Variants in CEP78 observed in about 807,000 individuals in gnomAD.
CEP78 encodes the protein centrosomal protein of 78 kDa.
In CEP78, 76 loss-of-function variants were observed where a neutral mutation model predicts 81.2. The observed-to-expected ratio is 0.94, with a 90% CI of 0.78 to 1.13. The LOEUF is 1.13. Ranked by LOEUF, CEP78 falls within the 50% of genes most tolerant of loss-of-function variation. CEP78 has a pLI of 0.00. For missense variants in CEP78, 918 were observed against 846.8 expected (o/e 1.08, Z -1.04); for synonymous variants, 293 against 301.4 (o/e 0.97, Z 0.29).
Position 78,272,110 on chromosome 9 carries a change from G to T in CEP78, c.*1259G>T, listed in dbSNP as rs1383114159. On this transcript the variant is annotated 3_prime_UTR_variant, in exon 17 of 17. Transcript: ENST00000643273. ...TTTTTGTATTTTTAGTAAAGACGGG[G>T]TTTCACCATGTTGGCCAGGCTGGTC... is the stretch of plus-strand genomic sequence containing the variant. 1 of 152,042 alleles carries T rather than the reference G, an allele frequency of 6.6e-6. No homozygotes were observed. Among genetic ancestry groups the T allele is most frequent in the Admixed American group, 6.6e-5 (1 of 15,258 alleles). The allele number at this position is 152,042 out of a possible 1,614,324, so 9.4% of individuals were successfully genotyped here. A position where few individuals can be genotyped will look rare whatever the true frequency, so the allele number is the denominator to read the frequency against.
At chr9:78,245,826 GATTC>G (rs1256638978) in intron 5 of CEP78, among the ~76,000 whole-genome samples, 1 of 151,896 alleles carries the variant, frequency 6.6e-6, no homozygotes, top group Non-Finnish European at 1.5e-5. Flanking sequence ...ACATTCTTTG[GATTC>G]ATTATTTCTA....
rs1827777396 is a variant in CEP78, at chr9:78,275,252, A to G, written c.*4401A>G. On this transcript the variant is annotated 3_prime_UTR_variant, in exon 17 of 17. Transcript: ENST00000643273. ...TGGATTGTAAAAATTGATAAAAAAT[A>G]GAAAATGTAAATAAACGAAACATCT... 6.6e-6 allele frequency: 1 copy of G among 152,256 alleles called. No individual in the cohort carries two copies. The allele number at this position is 152,256 out of a possible 1,614,324, so 9.4% of individuals were successfully genotyped here.
chr9:78,264,107 A>C (rs779267941), intron 12 of CEP78, 43 bp from the exon 13 acceptor site: 7 of 1,324,914 alleles, frequency 5.3e-6, no homozygotes, highest in Non-Finnish European at 5.0e-6. Context: ...TTTGGTGATA[A>C]TGAGAGAAAA....
At chr9:78,270,719 A>T in intron 16 of CEP78, 122 bp from the exon 17 acceptor site, 1 of 562,750 alleles carries the variant, frequency 1.8e-6, no homozygotes, top group East Asian at 3.2e-5. Context: ...TCAAGACAGT[A>T]ACACTTGATT....
At chr9:78,245,169 C>T (rs1374058800) in intron 5 of CEP78, among the ~76,000 whole-genome samples, 4 of 151,582 alleles carry the variant, frequency 2.6e-5, no homozygotes, top group Non-Finnish European at 5.9e-5. Flanking sequence ...GTTAGGGCTT[C>T]ATAGAATATT....
rs188090518 is a variant in CEP78 at position 78,261,483 on chromosome 9, G to T, written c.1381-1424G>T. 3.6e-4 allele frequency among the ~76,000 whole-genome samples: 55 copies of T among 152,254 alleles called. 1 individual carries two copies. The highest frequency in any genetic ancestry group is 2.7e-3 in the Admixed American group (41 of 15,300). ...GTTTTTAAGTAGTGGAATGTTAAGT[G>T]ATTTTACTTTCTAATTGTTTCATTT... is the stretch of plus-strand genomic sequence containing the variant. On this transcript the variant is annotated intron_variant, in intron 11 of 16. Coordinates refer to ENST00000643273, the MANE Select transcript of CEP78 (RefSeq NM_001330691.3).
rs763061622 is a variant in CEP78, at chr9:78,266,547, G to A, written c.1951G>A (p.Val651Ile). 8 of 1,613,788 alleles carry A rather than the reference G, an allele frequency of 5.0e-6. No individual in the cohort carries two copies. The African/African-American group carries it at 1.1e-4, about 22-fold the overall frequency. ...AGGAACTTCCAGCAACAACCTAGGA[G>A]TCCCAGCTACTGAGCAGCGGCAGGA... ...GLGTSSNNLG[V>I]PATEQRQESF... The change falls in exon 16 of 17, where the codon GTC becomes ATC. Residue 651 changes from valine to isoleucine, a missense_variant. Transcript: ENST00000643273.
In CEP78 at chr9:78,264,253, T is replaced by C; in HGVS notation, c.1562T>C (p.Leu521Ser). The C allele has an allele frequency of 6.2e-7, 1 of 1,612,394 alleles. No homozygotes were observed. Among genetic ancestry groups the C allele is most frequent in the Non-Finnish European group, 8.5e-7 (1 of 1,179,108 alleles). ...TNMILDDEGV[L>S]GSIENSFQKF... ...ATGATCCTGGATGATGAAGGTGTTT[T>C]GGGCAGCATTGAGAATTCTTTTCAG... The change falls in exon 13 of 17, where the codon TTG (leucine) becomes TCG (serine). Residue 521 changes from leucine to serine, a missense_variant. Physicochemically the swap from Leu to Ser is moderately radical, Grantham distance 145 (BLOSUM62 -2). Coordinates refer to ENST00000643273, the MANE Select transcript of CEP78 (RefSeq NM_001330691.3).
At chr9:78,261,992 TAC>T (rs763840823) in intron 11 of CEP78, among the ~76,000 whole-genome samples, 45 of 152,258 alleles carry the variant, frequency 3.0e-4, no homozygotes, top group Middle Eastern at 6.8e-3. Context: ...CTCTGCATGG[TAC>T]ACACACCTGG....
chr9:78,260,846 C>A (rs1359511136), intron 11 of CEP78, among the ~76,000 whole-genome samples: 1 of 152,118 alleles, frequency 6.6e-6, no homozygotes, highest in Non-Finnish European at 1.5e-5. Flanking sequence ...CAGCATATAC[C>A]CAAATCCATG....
chr9:78,270,941 A>T lies in CEP78; in HGVS notation c.*90A>T, dbSNP rs965336325. The T allele has an allele frequency of 5.3e-5, 33 of 626,320 alleles. No homozygotes were observed. The African/African-American group carries it at 5.8e-4, about 11-fold the overall frequency. 38.8% of individuals were successfully genotyped at this position (626,320 alleles called of 1,614,324 possible). On this transcript the variant is annotated 3_prime_UTR_variant, in exon 17 of 17. Coordinates refer to ENST00000643273, the MANE Select transcript of CEP78 (RefSeq NM_001330691.3). ...GAAATTTCTGGAAGATAAGAAGCAG[A>T]TGATTTAAGTACCAGTTAATTAAAG... is the stretch of plus-strand genomic sequence containing the variant.
chr9:78,264,938 TG>T (rs1252208753), intron 13 of CEP78, among the ~76,000 whole-genome samples: 1 of 152,158 alleles, frequency 6.6e-6, no homozygotes, highest in African/African-American at 2.4e-5. Context: ...GATAGATAAT[TG>T]ATAGAGTTAT....
In CEP78 at chr9:78,257,259, C is replaced by T. The variant is rs1251093699; in HGVS notation, c.1380+2295C>T. ...ATAAAAACCAGACTTTATTATACTT[C>T]TCATCAGCTACCATGGATCCTGGAA... On this transcript the variant is annotated intron_variant, in intron 11 of 16. Transcript: ENST00000643273. Among the ~76,000 whole-genome samples the T allele has an allele frequency of 2.6e-5, 4 of 152,152 alleles. No homozygotes were observed. In the South Asian group the frequency reaches 6.2e-4, roughly 24 times the overall value.
At chr9:78,265,995 G>T in intron 15 of CEP78, 89 bp downstream of exon 15, 1 of 695,692 alleles carries the variant, frequency 1.4e-6, no homozygotes, top group South Asian at 1.7e-5. Flanking sequence ...TTATGGGAAT[G>T]GGAGGGGCAA....
chr9:78,237,079 C>G (rs931323957), intron 1 of CEP78, among the ~76,000 whole-genome samples: 8 of 139,254 alleles, frequency 5.7e-5, no homozygotes, highest in African/African-American at 1.8e-4. Flanking sequence ...CTCCCGGGTT[C>G]AAGTGATTCT....
At chr9:78,242,090 C>T (rs1436776587) in intron 4 of CEP78, among the ~76,000 whole-genome samples, 1 of 152,132 alleles carries the variant, frequency 6.6e-6, no homozygotes, top group Non-Finnish European at 1.5e-5. Context: ...GTGGTTATTA[C>T]TACTGTATTT....
chr9:78,264,167 C>A lies in CEP78; in HGVS notation c.1476C>A (p.Ala492=). The A allele has an allele frequency of 6.9e-7, 1 of 1,458,300 alleles. No homozygotes were observed. The highest frequency in any genetic ancestry group is 9.1e-7 in the Non-Finnish European group (1 of 1,100,774). The allele number at this position is 1,458,300 out of a possible 1,614,324, so 90.3% of individuals were successfully genotyped here. ...TTTTATAGCTGGAACATGAAAATGC[C>A]CAGTTAAGAAATATAAATTTCTCTT... ...KRVSELEHEN[A]QLRNINFSLS... is the part of the protein sequence containing the mutation. Residue 492 remains alanine, a synonymous_variant, in exon 13 of 17, where the codon GCC becomes GCA. Coordinates refer to ENST00000643273, the MANE Select transcript of CEP78 (RefSeq NM_001330691.3).
chr9:78,258,104 A>C (rs1181623146), intron 11 of CEP78, among the ~76,000 whole-genome samples: 1 of 152,220 alleles, frequency 6.6e-6, no homozygotes, highest in Non-Finnish European at 1.5e-5. Context: ...TTTAGCACGT[A>C]TTGGACACTG....
intron 16 of CEP78, 178 bp downstream of exon 16, chr9:78,266,881 T>C: frequency 1.5e-5 from 21 of 1,435,388 alleles, no homozygotes; most frequent in Non-Finnish European, 1.9e-5. Flanking sequence ...GAAAATAGAA[T>C]AGTGACTGTT....
Sources: allele counts gnomAD v4.1 joint callset (sites outside exome capture counted in the v4.1 genomes callset), GRCh38; gene constraint gnomAD v4.1.1; transcripts MANE v1.5; gene names NCBI Gene and HGNC (gene_info 2026-07-23, HGNC 2026-07-21).